Variants in SYT14 observed in about 807,000 individuals in gnomAD.
The protein encoded by SYT14 is synaptotagmin-14.
A neutral mutation model predicts 74.2 loss-of-function variants in SYT14; 32 were observed. The ratio of observed to expected loss-of-function variants is 0.43; its 90% CI spans 0.33 to 0.58. The LOEUF (loss-of-function observed/expected upper bound fraction) is 0.58, where lower values mean the gene tolerates loss of function less well. Among genes scored for constraint, SYT14 ranks in the 20% least tolerant of loss-of-function variants. SYT14 has a pLI of 0.05. For synonymous variants in SYT14, 298 were observed against 337.7 expected (o/e 0.88, Z 1.29); for missense variants, 791 against 981.8 (o/e 0.81, Z 2.60).
In SYT14 at chr1:210,072,042, A is replaced by G. The variant is rs117834377; in HGVS notation, c.1313-22280A>G. Among the ~76,000 whole-genome samples the G allele has an allele frequency of 5.0e-3, 753 of 151,664 alleles. 21 individuals are homozygous for G. In the East Asian group the frequency reaches 0.055, roughly 11 times the overall value. On this transcript the variant is annotated intron_variant, in intron 5 of 9. Transcript: ENST00000637265. ...CATATTGGCTTATTTTAATGTTTATACCTTTTTAAAAATAACTCATTTTCT... is the reference window on the plus strand; with the variant it reads ...CATATTGGCTTATTTTAATGTTTATGCCTTTTTAAAAATAACTCATTTTCT...
At chr1:210,169,152 A>G (rs950914251) in exon 10 of SYT14, 4 of 151,196 alleles carry the variant, frequency 2.6e-5, no homozygotes, top group Non-Finnish European at 5.9e-5. Flanking sequence ...TTCAAAACCC[A>G]GAAAACTGAA....
intron 2 of SYT14, among the ~76,000 whole-genome samples, chr1:210,009,024 A>G (rs12401646): frequency 0.23 from 34,409 of 152,106 alleles, 4,177 homozygotes; most frequent in Middle Eastern, 0.3. Context: ...TGAGCTAAAA[A>G]CAAATTGTAA....
chr1:210,091,915 T>G (rs2102517895), intron 5 of SYT14, among the ~76,000 whole-genome samples: 1 of 152,282 alleles, frequency 6.6e-6, no homozygotes, highest in South Asian at 2.1e-4. Context: ...TGCTCAAGAC[T>G]TCTAGGAAAG....
exon 4 of SYT14, chr1:210,015,792 ATT>A: frequency 5.7e-6 from 5 of 878,960 alleles, no homozygotes; most frequent in South Asian, 5.8e-5. Flanking sequence ...AAGTGGTTTG[ATT>A]TTTTTTTTCC....
At chr1:210,157,510 G>A (rs558384184) in intron 8 of SYT14, among the ~76,000 whole-genome samples, 7 of 151,660 alleles carry the variant, frequency 4.6e-5, no homozygotes, top group Admixed American at 1.3e-4. Context: ...TTAGGAGGCC[G>A]AGGCGGGTGG....
rs116554974 is a variant in SYT14 at position 210,105,637 on chromosome 1, A to G, written c.2034+5176A>G. On this transcript the variant is annotated intron_variant, in intron 7 of 9. Coordinates refer to ENST00000637265, the Ensembl canonical transcript of SYT14. The stretch of plus-strand genomic sequence containing the variant: ...CCTGCGGTCGAGAATCAGATGAAGC[A>G]GGTAATATAGTTTGGATTTCCCCTC... 2.5e-3 allele frequency among the ~76,000 whole-genome samples: 377 copies of G among 152,316 alleles called. 2 individuals are homozygous for G. The highest frequency in any genetic ancestry group is 8.4e-3 in the African/African-American group (349 of 41,572).
intron 7 of SYT14, among the ~76,000 whole-genome samples, chr1:210,134,664 C>G (rs745944039): frequency 3.3e-5 from 5 of 152,020 alleles, no homozygotes; most frequent in Non-Finnish European, 7.4e-5. Context: ...TCCTTTCTGC[C>G]CCTACCCCTA....
At chr1:210,157,531 CAGG>C (rs1241724519) in intron 8 of SYT14, among the ~76,000 whole-genome samples, 73 of 151,806 alleles carry the variant, frequency 4.8e-4, no homozygotes, top group Admixed American at 4.7e-3. Flanking sequence ...ATCACGAGGT[CAGG>C]AGATCGAGAC....
chr1:210,070,681 A>G (rs2102442563), intron 5 of SYT14, among the ~76,000 whole-genome samples: 1 of 152,234 alleles, frequency 6.6e-6, no homozygotes, highest in South Asian at 2.1e-4. Flanking sequence ...TTACTGGGAA[A>G]GACAGGTACA....
chr1:209,940,913 A>G (rs920104150), intron 1 of SYT14, among the ~76,000 whole-genome samples: 1 of 152,202 alleles, frequency 6.6e-6, no homozygotes, highest in South Asian at 2.1e-4. Context: ...GTGTAATCCT[A>G]TTAATATAGC....
chr1:210,039,973 G>A (rs533170073), intron 5 of SYT14, among the ~76,000 whole-genome samples: 1 of 152,250 alleles, frequency 6.6e-6, no homozygotes, highest in South Asian at 2.1e-4. Flanking sequence ...ACAGTGTGGT[G>A]ATTTCCTCAA....
chr1:210,059,117 G>C (rs890246221), intron 5 of SYT14, among the ~76,000 whole-genome samples: 2 of 151,902 alleles, frequency 1.3e-5, no homozygotes, highest in South Asian at 4.2e-4. Context: ...GTTAGACCTG[G>C]GAATGGAGTT....
Position 209,962,608 on chromosome 1 carries a change from C to T in SYT14, c.-486+9852C>T, listed in dbSNP as rs150344271. The stretch of plus-strand genomic sequence containing the variant: ...TGTGCACCCAGAGGGAGGGTGCCTA[C>T]CGCATTGACTCATGCTTGTTATTTT... On this transcript the variant is annotated intron_variant, in intron 2 of 9. Transcript: ENST00000637265. 3.7e-3 allele frequency among the ~76,000 whole-genome samples: 565 copies of T among 152,196 alleles called. 4 individuals carry two copies. The Middle Eastern group carries it at 0.041, about 11-fold the overall frequency.
chr1:210,144,203 G>C (rs1332788203), intron 7 of SYT14, among the ~76,000 whole-genome samples: 1 of 152,030 alleles, frequency 6.6e-6, no homozygotes, highest in East Asian at 1.9e-4. Flanking sequence ...TATAGATAAG[G>C]AGTTACAAAT....
rs552642888 is a variant in SYT14 at position 210,084,360 on chromosome 1, G to C, written c.1313-9962G>C. On this transcript the variant is annotated intron_variant, in intron 5 of 9. Coordinates refer to ENST00000637265, the Ensembl canonical transcript of SYT14. Reference sequence around the variant, plus strand: ...ATATAAATTCTCTTTGACTTTGGGAGGAATATTCTTATCATATCCCTGGAT... The same window carrying C: ...ATATAAATTCTCTTTGACTTTGGGACGAATATTCTTATCATATCCCTGGAT... 6.6e-5 allele frequency among the ~76,000 whole-genome samples: 10 copies of C among 152,292 alleles called. No individual in the cohort carries two copies. In the South Asian group the frequency reaches 1.7e-3, roughly 25 times the overall value.
chr1:210,094,837 GT>G (rs934902176), intron 6 of SYT14, among the ~76,000 whole-genome samples: 14 of 149,722 alleles, frequency 9.4e-5, no homozygotes, highest in Admixed American at 7.3e-4. Context: ...ACCTAAAGAT[GT>G]TTTTTTTAAA....
At chr1:210,129,138 A>G (rs1324399210) in intron 7 of SYT14, among the ~76,000 whole-genome samples, 1 of 152,248 alleles carries the variant, frequency 6.6e-6, no homozygotes. Context: ...GCCAGAGATT[A>G]CACTGAATAA....
intron 2 of SYT14, among the ~76,000 whole-genome samples, chr1:209,989,416 A>AG (rs1158970093): frequency 6.6e-6 from 1 of 152,324 alleles, no homozygotes; most frequent in Non-Finnish European, 1.5e-5. Flanking sequence ...ATGAATAAAA[A>AG]GTAAAAACAA....
intron 1 of SYT14, among the ~76,000 whole-genome samples, chr1:209,949,269 G>A (rs181107501): frequency 6.6e-6 from 1 of 152,248 alleles, no homozygotes; most frequent in East Asian, 1.9e-4. Context: ...GTCTTAGGAA[G>A]GATTGGGGAT....
Sources: allele counts gnomAD v4.1 joint callset (sites outside exome capture counted in the v4.1 genomes callset), GRCh38; gene constraint gnomAD v4.1.1; transcripts MANE v1.5; gene names NCBI Gene and HGNC (gene_info 2026-07-23, HGNC 2026-07-21).